Variants in LDB2 observed in about 807,000 individuals in gnomAD.
The protein encoded by LDB2 is LIM domain-binding protein 2.
In LDB2, 12 loss-of-function variants were observed where a neutral mutation model predicts 44.3. That is an observed-to-expected ratio of 0.27 (90% CI 0.17 to 0.44). The LOEUF (loss-of-function observed/expected upper bound fraction) is 0.44, where lower values mean the gene tolerates loss of function less well. LDB2 is among the 20% of genes least tolerant of loss of function. The probability of loss-of-function intolerance (pLI) is 1.00; values close to 1 mark genes in which losing one functional copy is unlikely to be tolerated. For missense variants in LDB2, 344 were observed against 473.5 expected (o/e 0.73, Z 2.54); for synonymous variants, 164 against 174.8 (o/e 0.94, Z 0.49).
At chr4:16,624,345 C>T (rs1729711681) in intron 2 of LDB2, among the ~76,000 whole-genome samples, 1 of 152,060 alleles carries the variant, frequency 6.6e-6, no homozygotes, top group East Asian at 1.9e-4. Flanking sequence ...AATACACCTG[C>T]CTCAGTCTCC....
chr4:16,635,483 G>A (rs187645729), intron 2 of LDB2, among the ~76,000 whole-genome samples: 352 of 152,216 alleles, frequency 2.3e-3, no homozygotes, highest in African/African-American at 8.1e-3. Context: ...TTTAAAGATT[G>A]ACTTTGGGCG....
intron 5 of LDB2, among the ~76,000 whole-genome samples, chr4:16,546,363 T>C (rs779955710): frequency 6.6e-6 from 1 of 152,012 alleles, no homozygotes; most frequent in Non-Finnish European, 1.5e-5. Context: ...AAAACTAATT[T>C]AAAGGAAATG....
rs1169491759 is a variant in LDB2 at position 16,563,429 on chromosome 4, A to ATTTT, written c.615+22489_615+22492dup. Among the ~76,000 whole-genome samples the ATTTT allele has an allele frequency of 4.9e-4, 23 of 46,574 alleles. 8 individuals are homozygous for ATTTT. Among genetic ancestry groups the ATTTT allele is most frequent in the East Asian group, 1.0e-3 (2 of 1,910 alleles). The allele number at this position is 46,574 out of a possible 152,430, so 30.6% of individuals were successfully genotyped here. ...TCAAAACCATCTCATCAGTCATCAG[A>ATTTT]TTTTTTTTTTTTTTTTTTTTTTTTT... is the stretch of plus-strand genomic sequence containing the variant. On this transcript the variant is annotated intron_variant, in intron 5 of 7. Transcript: ENST00000304523.
intron 1 of LDB2, among the ~76,000 whole-genome samples, chr4:16,897,948 AT>A (rs1561575424): frequency 1.7e-4 from 6 of 35,138 alleles, no homozygotes; most frequent in African/African-American, 4.4e-4. Context: ...ACACATATGT[AT>A]ATATATATAT....
intron 5 of LDB2, among the ~76,000 whole-genome samples, chr4:16,532,609 C>A (rs1297379399): frequency 6.6e-6 from 1 of 152,176 alleles, no homozygotes; most frequent in Non-Finnish European, 1.5e-5. Context: ...GGTGTGGTCA[C>A]GAAGAGCTTC....
At position 16,812,631 on chromosome 4, in the gene LDB2, A is replaced by ATGTGTGTGTGTGTGTGTGTG. The variant is rs5856389; in HGVS notation, c.133-53391_133-53372dup. 3.2e-5 allele frequency among the ~76,000 whole-genome samples: 4 copies of ATGTGTGTGTGTGTGTGTGTG among 126,022 alleles called. No individual in the cohort carries two copies. In the South Asian group the frequency reaches 8.1e-4, roughly 26 times the overall value. The allele number at this position is 126,022 out of a possible 152,430, so 82.7% of individuals were successfully genotyped here. A position where few individuals can be genotyped will look rare whatever the true frequency, so the allele number is the denominator to read the frequency against. On this transcript the variant is annotated intron_variant, in intron 1 of 7. Transcript: ENST00000304523. Reference sequence around the variant, plus strand: ...ATATATATATCTGTGTATTAAATATATGTGTGTGTGTGTGTGTGTGTGTGT... The same window carrying ATGTGTGTGTGTGTGTGTGTG: ...ATATATATATCTGTGTATTAAATATATGTGTGTGTGTGTGTGTGTGTGTGTGTGTGTGTGTGTGTGTGTGT...
At chr4:16,813,400 T>C (rs1383156865) in intron 1 of LDB2, among the ~76,000 whole-genome samples, 1 of 152,158 alleles carries the variant, frequency 6.6e-6, no homozygotes, top group Non-Finnish European at 1.5e-5. Flanking sequence ...GCCCAATGCA[T>C]AGTGAATACT....
intron 1 of LDB2, among the ~76,000 whole-genome samples, chr4:16,835,159 G>A (rs532881036): frequency 6.6e-6 from 1 of 152,260 alleles, no homozygotes; most frequent in East Asian, 1.9e-4. Flanking sequence ...TATTTATGTG[G>A]CATAAAATGC....
At chr4:16,788,005 A>G (rs1774833135) in intron 1 of LDB2, among the ~76,000 whole-genome samples, 1 of 152,066 alleles carries the variant, frequency 6.6e-6, no homozygotes, top group African/African-American at 2.4e-5. Flanking sequence ...AATAAATGAA[A>G]CCAAGCTTGG....
At chr4:16,820,274 C>G (rs1561341666) in intron 1 of LDB2, among the ~76,000 whole-genome samples, 1 of 152,098 alleles carries the variant, frequency 6.6e-6, no homozygotes, top group Non-Finnish European at 1.5e-5. Context: ...TTTTAAAGCA[C>G]TTTTTATTAT....
chr4:16,853,287 GA>G (rs1415128588), intron 1 of LDB2, among the ~76,000 whole-genome samples: 2 of 152,118 alleles, frequency 1.3e-5, no homozygotes, highest in African/African-American at 4.8e-5. Context: ...ACTCAATAGT[GA>G]AAAAACAAAT....
intron 5 of LDB2, among the ~76,000 whole-genome samples, chr4:16,531,400 T>C (rs552929397): frequency 6.6e-6 from 1 of 152,338 alleles, no homozygotes; most frequent in South Asian, 2.1e-4. Flanking sequence ...CAATCATGTG[T>C]GAAGGTGAAG....
chr4:16,595,958 T>C, intron 2 of LDB2, 83 bp from the exon 3 acceptor site: 2 of 1,332,978 alleles, frequency 1.5e-6, no homozygotes, highest in Non-Finnish European at 2.1e-6. Flanking sequence ...CCAAACCTCC[T>C]AAAACCGGAT....
intron 1 of LDB2, among the ~76,000 whole-genome samples, chr4:16,862,172 T>A (rs937738339): frequency 2.0e-5 from 3 of 152,220 alleles, no homozygotes; most frequent in Non-Finnish European, 4.4e-5. Context: ...TTCACATGCT[T>A]AGTATACAGA....
At chr4:16,655,896 C>CTTTTTTTTTTTTTTTTTT (rs747097456) in intron 2 of LDB2, among the ~76,000 whole-genome samples, 12 of 93,312 alleles carry the variant, frequency 1.3e-4, no homozygotes, top group African/African-American at 4.0e-4. Flanking sequence ...TGCAAGAAAA[C>CTTTTTTTTTTTTTTTTTT]TTTTTTTTTT....
At chr4:16,683,235 A>G (rs1035195379) in intron 2 of LDB2, among the ~76,000 whole-genome samples, 1 of 152,236 alleles carries the variant, frequency 6.6e-6, no homozygotes, top group African/African-American at 2.4e-5. Context: ...CTTGTAGATA[A>G]CTGTACAGCT....
At chr4:16,894,640 G>A (rs1724391198) in intron 1 of LDB2, among the ~76,000 whole-genome samples, 1 of 152,134 alleles carries the variant, frequency 6.6e-6, no homozygotes. Flanking sequence ...GAACACTTTA[G>A]GGAGAGTGAG....
chr4:16,542,491 G>A, intron 5 of LDB2, among the ~76,000 whole-genome samples: 1 of 152,132 alleles, frequency 6.6e-6, no homozygotes, highest in Non-Finnish European at 1.5e-5. Flanking sequence ...AGGGAGGGAT[G>A]GGCTTGGTTT....
chr4:16,560,792 G>C (rs1443789248), intron 5 of LDB2, among the ~76,000 whole-genome samples: 1 of 152,162 alleles, frequency 6.6e-6, no homozygotes, highest in Admixed American at 6.5e-5. Context: ...CAATATCCTT[G>C]ACGAACATTA....
Sources: allele counts gnomAD v4.1 joint callset (sites outside exome capture counted in the v4.1 genomes callset), GRCh38; gene constraint gnomAD v4.1.1; transcripts MANE v1.5; gene names NCBI Gene and HGNC (gene_info 2026-07-23, HGNC 2026-07-21).